SLC38A1: variants seen among roughly 807,000 people sequenced by gnomAD.
The protein encoded by SLC38A1 is sodium-coupled neutral amino acid symporter 1.
Under a neutral mutation model 60.3 loss-of-function variants are expected in SLC38A1, and 18 were observed. That is an observed-to-expected ratio of 0.30 (90% confidence interval 0.21 to 0.44). The LOEUF is 0.44. Among genes scored for constraint, SLC38A1 ranks in the 20% least tolerant of loss-of-function variants. The pLI is 1.00. For missense variants in SLC38A1, 448 were observed against 587.2 expected (o/e 0.76, Z 2.45); for synonymous variants, 196 against 212.1 (o/e 0.92, Z 0.66).
intron 16 of SLC38A1, among the ~76,000 whole-genome samples, chr12:46,191,321 G>A (rs1172047647): frequency 6.6e-6 from 1 of 152,178 alleles, no homozygotes; most frequent in Non-Finnish European, 1.5e-5. Context: ...GTACCATGCT[G>A]TTTTCGTTAC....
At chr12:46,192,437 C>A (rs1207882572) in intron 16 of SLC38A1, among the ~76,000 whole-genome samples, 2 of 152,154 alleles carry the variant, frequency 1.3e-5, no homozygotes, top group Admixed American at 6.5e-5. Flanking sequence ...ACAGGATGAG[C>A]TAGCCTCATA....
chr12:46,193,422 A>C (rs184659480), intron 16 of SLC38A1, among the ~76,000 whole-genome samples: 102 of 152,312 alleles, frequency 6.7e-4, no homozygotes, highest in Admixed American at 2.3e-3. Flanking sequence ...TTTGTGGTGA[A>C]GAGTTCTGTA....
At chr12:46,244,984 G>A (rs1029857043) in intron 1 of SLC38A1, among the ~76,000 whole-genome samples, 17 of 152,254 alleles carry the variant, frequency 1.1e-4, no homozygotes, top group African/African-American at 3.9e-4. Flanking sequence ...ATTCAGGCCT[G>A]TCTTGTTAGA....
intron 5 of SLC38A1, among the ~76,000 whole-genome samples, chr12:46,218,244 G>A (rs760736748): frequency 1.8e-4 from 28 of 152,018 alleles, no homozygotes; most frequent in African/African-American, 2.4e-4. Context: ...ATGTGTCCTC[G>A]TTCCTCTTTT....
rs1328654665 is a variant in SLC38A1 at position 46,187,657 on chromosome 12, G to A, written c.*1313C>T. ...AGTTGAGACGGGCAGTAATGGCACA[G>A]TCCTTGGTTGGGGAAGAGAAGAGGA... On this transcript the variant is annotated 3_prime_UTR_variant, in exon 17 of 17. Transcript: ENST00000398637. The A allele has an allele frequency of 6.6e-6, 1 of 152,212 alleles. No homozygotes were observed. Among genetic ancestry groups the A allele is most frequent in the Non-Finnish European group, 1.5e-5 (1 of 68,090 alleles). 9.4% of individuals were successfully genotyped at this position (152,212 alleles called of 1,614,324 possible). A position where few individuals can be genotyped will look rare whatever the true frequency, so the allele number is the denominator to read the frequency against.
chr12:46,189,063 A>T lies in SLC38A1; in HGVS notation c.1371T>A (p.Leu457=), dbSNP rs1421067114. 6.2e-7 allele frequency: 1 copy of T among 1,613,722 alleles called. No individual in the cohort carries two copies. Residue 457 remains leucine (L), a synonymous_variant, in exon 17 of 17, where the codon CTT becomes CTA. Coordinates refer to ENST00000398637, the MANE Select transcript of SLC38A1 (RefSeq NM_030674.4). ...DKGTQRIWAA[L]FLGLGVLFSL... The stretch of plus-strand genomic sequence containing the variant: ...AGAACAACACCCCCAGGCCCAAGAA[A>T]AGGGCAGCCTGGAGCAAGAGAAAGG...
At position 46,204,378 on chromosome 12, in the gene SLC38A1, C is replaced by T. The variant is rs747715625; in HGVS notation, c.745G>A (p.Glu249Lys). The T allele has an allele frequency of 6.8e-6, 11 of 1,613,628 alleles. No homozygotes were observed. Among genetic ancestry groups the T allele is most frequent in the Non-Finnish European group, 8.5e-6 (10 of 1,179,692 alleles). ...TTAGCACTTATTGTTGAATTTAGCTCTGGAACAATGCAGGGAATTTGAAAT... is the reference window on the plus strand; with the variant it reads ...TTAGCACTTATTGTTGAATTTAGCTTTGGAACAATGCAGGGAATTTGAAAT... ...KKFQIPCIVP[E>K]LNSTISANST... The change falls in exon 11 of 17, where the codon GAG (glutamate) becomes AAG (lysine). Residue 249 changes from glutamate to lysine, a missense_variant. Physicochemically the swap from Glu to Lys is moderately conservative, Grantham distance 56. Transcript: ENST00000398637.
intron 1 of SLC38A1, among the ~76,000 whole-genome samples, chr12:46,260,534 A>G (rs1425671150): frequency 6.6e-6 from 1 of 152,220 alleles, no homozygotes; most frequent in East Asian, 1.9e-4. Flanking sequence ...TTTCCTTCTC[A>G]GAAACATTTC....
chr12:46,199,310 TGTG>T (rs1939536553), intron 13 of SLC38A1, among the ~76,000 whole-genome samples: 5 of 762 alleles, frequency 6.6e-3, no homozygotes, highest in African/African-American at 0.012. Flanking sequence ...TACTACTTTG[TGTG>T]TGTGTGTGTG....
Position 46,198,676 on chromosome 12 carries a change from C to A in SLC38A1, c.1071G>T (p.Arg357=). The A allele has an allele frequency of 6.2e-7, 1 of 1,613,644 alleles. No homozygotes were observed. The highest frequency in any genetic ancestry group is 8.5e-7 in the Non-Finnish European group (1 of 1,179,806). ...GGATCACAGCAACAATGACAGCCAG[C>A]CGCACTGTCAGGATGAGAATGTCAT... is the stretch of plus-strand genomic sequence containing the variant. ...SKDDILILTV[R]LAVIVAVILT... is the part of the protein sequence containing the mutation. The change falls in exon 14 of 17, where the codon CGG becomes CGT. Residue 357 remains arginine, a synonymous_variant. Coordinates refer to ENST00000398637, the MANE Select transcript of SLC38A1 (RefSeq NM_030674.4).
rs1489753692 is a variant in SLC38A1 at position 46,183,666 on chromosome 12, G to T, written c.*5304C>A. On this transcript the variant is annotated 3_prime_UTR_variant, in exon 17 of 17. Coordinates refer to ENST00000398637, the MANE Select transcript of SLC38A1 (RefSeq NM_030674.4). ...ATTATGAAGAAACAATTTGTCATTTGGGTATATCTGTTTCTATAGGACAAG... is the reference window on the plus strand; with the variant it reads ...ATTATGAAGAAACAATTTGTCATTTTGGTATATCTGTTTCTATAGGACAAG... The T allele has an allele frequency of 1.3e-5, 2 of 152,156 alleles. No individual in the cohort carries two copies. The highest frequency in any genetic ancestry group is 2.9e-5 in the Non-Finnish European group (2 of 68,030). The allele number at this position is 152,156 out of a possible 1,614,324, so 9.4% of individuals were successfully genotyped here.
rs78478613 is a variant in SLC38A1 at position 46,218,226 on chromosome 12, C to A, written c.315-9099G>T. On this transcript the variant is annotated intron_variant, in intron 5 of 16. Coordinates refer to ENST00000398637, the MANE Select transcript of SLC38A1 (RefSeq NM_030674.4). Reference sequence around the variant, plus strand: ...TGGGCACTCCATTTATAACTCTTGACACTCTTGATGTGTCCTCGTTCCTCT... The same window carrying A: ...TGGGCACTCCATTTATAACTCTTGAAACTCTTGATGTGTCCTCGTTCCTCT... Among the ~76,000 whole-genome samples, 3 of 152,228 alleles carry A rather than the reference C, an allele frequency of 2.0e-5. No homozygotes were observed. In the East Asian group the frequency reaches 5.8e-4, roughly 29 times the overall value.
chr12:46,196,400 C>A, intron 16 of SLC38A1: 2 of 1,300,488 alleles, frequency 1.5e-6, no homozygotes, highest in Non-Finnish European at 2.1e-6. Context: ...ATTTGGAAGA[C>A]CCTACTACTA....
rs115212895 is a variant in SLC38A1, at chr12:46,246,188, G to A, written c.-208-2874C>T. Among the ~76,000 whole-genome samples, 1,448 of 152,266 alleles carry A rather than the reference G, an allele frequency of 9.5e-3. 25 individuals are homozygous for A. Among genetic ancestry groups the A allele is most frequent in the African/African-American group, 0.033 (1,360 of 41,536 alleles). On this transcript the variant is annotated intron_variant, in intron 1 of 16. Coordinates refer to ENST00000398637, the MANE Select transcript of SLC38A1 (RefSeq NM_030674.4). ...GGGTACAGCCCACAGAGGGTGAGGCGAAGCAGGGCGGGGTGTTGCCTCACT... is the reference window on the plus strand; with the variant it reads ...GGGTACAGCCCACAGAGGGTGAGGCAAAGCAGGGCGGGGTGTTGCCTCACT...
In SLC38A1 at chr12:46,252,773, T is replaced by A. The variant is rs138662562; in HGVS notation, c.-208-9459A>T. ...CTTTCTATGTTCGTTGCAGCATTAT[T>A]CACAATAGCCAAGATATGGAAACAA... On this transcript the variant is annotated intron_variant, in intron 1 of 16. Coordinates refer to ENST00000398637, the MANE Select transcript of SLC38A1 (RefSeq NM_030674.4). Among the ~76,000 whole-genome samples the A allele has an allele frequency of 3.1e-3, 469 of 152,094 alleles. 15 individuals are homozygous for A. The East Asian group carries it at 0.075, about 24-fold the overall frequency.
intron 16 of SLC38A1, among the ~76,000 whole-genome samples, chr12:46,196,834 G>A (rs1012927094): frequency 5.9e-5 from 9 of 152,272 alleles, no homozygotes; most frequent in Admixed American, 5.2e-4. Context: ...CTGTCTCCAA[G>A]TGCACCACGT....
rs551113386 is a variant in SLC38A1, at chr12:46,239,479, A to C, written c.122+200T>G. ...AGCTGGGACTACAGGCATGCACCAC[A>C]TGCCTGGCTAATTTTTTGTATTTTT... On this transcript the variant is annotated intron_variant, in intron 3 of 16. Transcript: ENST00000398637. The C allele has an allele frequency of 2.3e-4, 101 of 446,588 alleles. 1 individual carries two copies. The highest frequency in any genetic ancestry group is 4.1e-4 in the Admixed American group (12 of 29,030). 27.7% of individuals were successfully genotyped at this position (446,588 alleles called of 1,614,324 possible).
chr12:46,266,709 C>T (rs1942363623), intron 1 of SLC38A1, among the ~76,000 whole-genome samples: 1 of 152,092 alleles, frequency 6.6e-6, no homozygotes, highest in Non-Finnish European at 1.5e-5. Flanking sequence ...GAAGGTGAAA[C>T]AAATCTTGTT....
At chr12:46,224,612 A>G (rs1940794647) in intron 5 of SLC38A1, among the ~76,000 whole-genome samples, 1 of 152,170 alleles carries the variant, frequency 6.6e-6, no homozygotes, top group African/African-American at 2.4e-5. Flanking sequence ...TGAGTCTGGA[A>G]TGGAGCCCTG....
Sources: gnomAD v4.1 joint callset for allele counts (sites outside exome capture counted in the v4.1 genomes callset) on GRCh38, gnomAD v4.1.1 for gene constraint, MANE v1.5 for transcripts, NCBI Gene and HGNC (gene_info 2026-07-23, HGNC 2026-07-21) for gene names.